Variants in L2HGDH observed in about 807,000 individuals in gnomAD.
L2HGDH encodes L-2-hydroxyglutarate dehydrogenase.
Under a neutral mutation model 51.5 loss-of-function variants are expected in L2HGDH, and 34 were observed. That is an observed-to-expected ratio of 0.66 (90% CI 0.50 to 0.88). L2HGDH has a LOEUF of 0.88. Among genes scored for constraint, L2HGDH ranks in the 40% least tolerant of loss-of-function variants. The pLI is 0.00. For missense variants in L2HGDH, 558 were observed against 571.9 expected (o/e 0.98, Z 0.25); for synonymous variants, 198 against 197.9 (o/e 1.00, Z -0.01).
chr14:50,289,372 TAAA>T (rs1890739739), intron 4 of L2HGDH, among the ~76,000 whole-genome samples: 1 of 152,160 alleles, frequency 6.6e-6, no homozygotes, highest in Non-Finnish European at 1.5e-5. Flanking sequence ...TACACATAAC[TAAA>T]TATTCTTAAT....
chr14:50,244,553 G>C lies in L2HGDH; in HGVS notation c.*2505C>G. ...GTGTTTGCATTTCTTGCAGGAATCA[G>C]CTGTTATAAAGAAACATTAGGGCTT... is the stretch of plus-strand genomic sequence containing the variant. On this transcript the variant is annotated 3_prime_UTR_variant, in exon 10 of 10. Coordinates refer to ENST00000267436, the MANE Select transcript of L2HGDH (RefSeq NM_024884.3). 1.0e-6 allele frequency: 1 copy of C among 985,418 alleles called. No individual in the cohort carries two copies. Among genetic ancestry groups the C allele is most frequent in the Non-Finnish European group, 1.2e-6 (1 of 829,934 alleles). 61.0% of individuals were successfully genotyped at this position (985,418 alleles called of 1,614,324 possible).
At chr14:50,249,610 T>A (rs1042935216) in intron 9 of L2HGDH, among the ~76,000 whole-genome samples, 1 of 152,160 alleles carries the variant, frequency 6.6e-6, no homozygotes, top group Non-Finnish European at 1.5e-5. Context: ...ATACATTACC[T>A]GCTGACTAAA....
intron 3 of L2HGDH, among the ~76,000 whole-genome samples, chr14:50,298,325 T>C (rs2030198017): frequency 6.6e-6 from 1 of 152,000 alleles, no homozygotes; most frequent in Non-Finnish European, 1.5e-5. Flanking sequence ...GGAGGACTTT[T>C]TTTTTTTGAG....
intron 1 of L2HGDH, among the ~76,000 whole-genome samples, chr14:50,310,722 AC>A (rs2031068751): frequency 1.3e-5 from 2 of 152,084 alleles, no homozygotes; most frequent in South Asian, 2.1e-4. Context: ...TTTTAAAAAA[AC>A]ATTTTAAGTA....
rs778180386 is a variant in L2HGDH at position 50,294,108 on chromosome 14, C to T, written c.540+7G>A. ...TAAATAAAAACATCCCTTTGTTAAT[C>T]ACTTACCCTACAATATGGCTCCTTC... On this transcript the variant is annotated splice_region_variant and intron_variant, in intron 4 of 9. Coordinates refer to ENST00000267436, the MANE Select transcript of L2HGDH (RefSeq NM_024884.3). 1 of 1,613,688 alleles carries T rather than the reference C, an allele frequency of 6.2e-7. No homozygotes were observed. The highest frequency in any genetic ancestry group is 8.5e-7 in the Non-Finnish European group (1 of 1,179,722).
chr14:50,243,098 G>A lies in L2HGDH; in HGVS notation c.*3960C>T, dbSNP rs1285586051. On this transcript the variant is annotated 3_prime_UTR_variant, in exon 10 of 10. Coordinates refer to ENST00000267436, the MANE Select transcript of L2HGDH (RefSeq NM_024884.3). ...TAGGTAGATTTCCAAATGGCCTCAG[G>A]GAAAGTGGAATTCTGCCAACAGTAA... 3.0e-6 allele frequency: 3 copies of A among 985,316 alleles called. No homozygotes were observed. The highest frequency in any genetic ancestry group is 2.3e-4 in the East Asian group (2 of 8,826). The allele number at this position is 985,316 out of a possible 1,614,324, so 61.0% of individuals were successfully genotyped here. A position where few individuals can be genotyped will look rare whatever the true frequency, so the allele number is the denominator to read the frequency against.
At chr14:50,283,418 C>T (rs796617594) in intron 5 of L2HGDH, among the ~76,000 whole-genome samples, 3 of 152,246 alleles carry the variant, frequency 2.0e-5, no homozygotes, top group South Asian at 4.1e-4. Context: ...CCTTCTGTAC[C>T]TACCTCTGGT....
At chr14:50,277,817 A>C (rs145840704) in intron 6 of L2HGDH, among the ~76,000 whole-genome samples, 149 of 126,506 alleles carry the variant, frequency 1.2e-3, no homozygotes, top group African/African-American at 3.9e-3. Context: ...TAATAATAAT[A>C]ATAATAATAA....
intron 1 of L2HGDH, among the ~76,000 whole-genome samples, chr14:50,305,249 G>A (rs959909566): frequency 1.2e-4 from 18 of 152,170 alleles, no homozygotes; most frequent in African/African-American, 4.3e-4. Context: ...TGGTTCTCCT[G>A]CAGCAGCTTT....
chr14:50,243,473 A>C lies in L2HGDH; in HGVS notation c.*3585T>G, dbSNP rs1257261426. 3.8e-6 allele frequency: 3 copies of C among 791,992 alleles called. No individual in the cohort carries two copies. The highest frequency in any genetic ancestry group is 4.6e-6 in the Non-Finnish European group (3 of 654,304). 49.1% of individuals were successfully genotyped at this position (791,992 alleles called of 1,614,324 possible). ...GGAACTAAAAAATATGTTCTCTACA[A>C]CACCAAGGCTCATTAAAATATTTTA... On this transcript the variant is annotated 3_prime_UTR_variant, in exon 10 of 10. Transcript: ENST00000267436.
At chr14:50,249,508 T>C (rs1029609188) in intron 9 of L2HGDH, among the ~76,000 whole-genome samples, 2 of 151,636 alleles carry the variant, frequency 1.3e-5, no homozygotes, top group Non-Finnish European at 2.9e-5. Context: ...AGGCCCGCAT[T>C]ATAGGCCCTA....
chr14:50,291,944 C>T (rs2139187267), intron 4 of L2HGDH, among the ~76,000 whole-genome samples: 1 of 152,084 alleles, frequency 6.6e-6, no homozygotes, highest in East Asian at 1.9e-4. Context: ...TATTTAGAAC[C>T]AATACACGAA....
At chr14:50,264,658 A>G (rs1309241525) in intron 9 of L2HGDH, among the ~76,000 whole-genome samples, 1 of 152,236 alleles carries the variant, frequency 6.6e-6, no homozygotes, top group Non-Finnish European at 1.5e-5. Flanking sequence ...GTTCTCACTT[A>G]TAAGTGGGAG....
At position 50,296,477 on chromosome 14, in the gene L2HGDH, C is replaced by T. The variant is rs144853012; in HGVS notation, c.409-2231G>A. Among the ~76,000 whole-genome samples the T allele has an allele frequency of 2.5e-3, 354 of 141,842 alleles. 3 individuals carry two copies. Among genetic ancestry groups the T allele is most frequent in the African/African-American group, 8.4e-3 (321 of 38,020 alleles). The allele number at this position is 141,842 out of a possible 152,430, so 93.1% of individuals were successfully genotyped here. ...AATACTATGAACAACTGTATGGCAACGAATTAGAAAATCTAGATGAACAAA... is the reference window on the plus strand; with the variant it reads ...AATACTATGAACAACTGTATGGCAATGAATTAGAAAATCTAGATGAACAAA... On this transcript the variant is annotated intron_variant, in intron 3 of 9. Transcript: ENST00000267436.
intron 6 of L2HGDH, among the ~76,000 whole-genome samples, chr14:50,271,398 G>C (rs1889678548): frequency 6.6e-6 from 1 of 152,150 alleles, no homozygotes; most frequent in African/African-American, 2.4e-5. Context: ...TCAAGCAACA[G>C]TTCCCAAGAA....
At chr14:50,283,374 C>G (rs891772406) in intron 5 of L2HGDH, among the ~76,000 whole-genome samples, 3 of 152,174 alleles carry the variant, frequency 2.0e-5, no homozygotes, top group African/African-American at 7.2e-5. Flanking sequence ...ACAAGACCCT[C>G]CAGGAGTCCC....
At chr14:50,250,072 T>C (rs1888256015) in intron 9 of L2HGDH, among the ~76,000 whole-genome samples, 1 of 152,012 alleles carries the variant, frequency 6.6e-6, no homozygotes, top group Non-Finnish European at 1.5e-5. Context: ...CAGCTGATTT[T>C]TGTATTTTTA....
chr14:50,276,696 AG>A (rs1358158613), intron 6 of L2HGDH, among the ~76,000 whole-genome samples: 1 of 152,220 alleles, frequency 6.6e-6, no homozygotes, highest in Non-Finnish European at 1.5e-5. Context: ...GCCATTAACA[AG>A]CCAAAAGTCA....
rs1470673512 is a variant in L2HGDH, at chr14:50,265,419, C to G, written c.1135G>C (p.Gly379Arg). The G allele has an allele frequency of 1.9e-6, 3 of 1,612,104 alleles. No homozygotes were observed. In the African/African-American group the frequency reaches 4.0e-5, roughly 22 times the overall value. Reference protein sequence around the residue: ...VTEMYKACFLGATVKYLQKFI... With the variant: ...VTEMYKACFLRATVKYLQKFI... ...TTTTGAAGATACTTCACTGTTGCAC[C>G]AAGAAAACATGCTTTATACATTTCA... The change falls in exon 9 of 10, where the codon GGT becomes CGT. Residue 379 changes from glycine (G) to arginine (R), a missense_variant. By Grantham distance (125) the Gly-to-Arg change is moderately radical (BLOSUM62 -2). Around this residue, in one of 3 missense-constraint regions of L2HGDH, gnomAD observed 321 missense variants for 311.8 expected, o/e 1.03. Transcript: ENST00000267436.
Sources: allele counts gnomAD v4.1 joint callset (sites outside exome capture counted in the v4.1 genomes callset), GRCh38; gene constraint gnomAD v4.1.1; regional missense constraint gnomAD v4.1.1; transcripts MANE v1.5; gene names NCBI Gene and HGNC (gene_info 2026-07-23, HGNC 2026-07-21).